The following CYP19A1 variants were observed in gnomAD, a reference collection of about 807,000 sequenced individuals.
The protein encoded by CYP19A1 is cytochrome P450 family 19 subfamily A member 1, also known as aromatase.
Under a neutral mutation model 44.4 loss-of-function variants are expected in CYP19A1, and 32 were observed. That is an observed-to-expected ratio of 0.72 (90% CI 0.54 to 0.97). The LOEUF (loss-of-function observed/expected upper bound fraction) is 0.97. Among genes scored for constraint, CYP19A1 ranks in the 50% least tolerant of loss-of-function variants. The probability of loss-of-function intolerance (pLI) is 0.00; values close to 1 mark genes in which losing one functional copy is unlikely to be tolerated. For missense variants in CYP19A1, 598 were observed against 637.8 expected (o/e 0.94, Z 0.67); for synonymous variants, 212 against 215.6 (o/e 0.98, Z 0.14).
At chr15:51,314,976 A>G (rs866456465) in intron 1 of CYP19A1, among the ~76,000 whole-genome samples, 3 of 152,078 alleles carry the variant, frequency 2.0e-5, no homozygotes, top group African/African-American at 4.8e-5. Context: ...GGTTCAAGCC[A>G]CTGTCCCTGG....
intron 1 of CYP19A1, among the ~76,000 whole-genome samples, chr15:51,336,970 G>A (rs1372217772): frequency 6.6e-6 from 1 of 150,830 alleles, no homozygotes; most frequent in East Asian, 1.9e-4. Context: ...TATCAGGCAG[G>A]GCAGGCTATG....
At chr15:51,285,668 T>C (rs1443630069) in intron 1 of CYP19A1, among the ~76,000 whole-genome samples, 1 of 152,168 alleles carries the variant, frequency 6.6e-6, no homozygotes, top group African/African-American at 2.4e-5. Flanking sequence ...GGAGAATATA[T>C]TCCATATGCT....
chr15:51,308,043 G>A (rs2036245665), intron 1 of CYP19A1, among the ~76,000 whole-genome samples: 1 of 152,200 alleles, frequency 6.6e-6, no homozygotes, highest in African/African-American at 2.4e-5. Flanking sequence ...GAGAAAGAGG[G>A]CATGAGGAGG....
intron 1 of CYP19A1, among the ~76,000 whole-genome samples, chr15:51,295,579 C>T (rs2035977776): frequency 6.6e-6 from 1 of 152,150 alleles, no homozygotes; most frequent in South Asian, 2.1e-4. Flanking sequence ...GGAGGCATTG[C>T]TGTTGAGTAT....
chr15:51,247,140 T>C (rs1166625748), intron 1 of CYP19A1, among the ~76,000 whole-genome samples: 9 of 152,162 alleles, frequency 5.9e-5, no homozygotes, highest in African/African-American at 2.2e-4. Context: ...TCTCATCGTT[T>C]CTATTCCTCT....
intron 1 of CYP19A1, among the ~76,000 whole-genome samples, chr15:51,283,649 G>A (rs2035604756): frequency 1.3e-5 from 2 of 152,188 alleles, no homozygotes; most frequent in Non-Finnish European, 2.9e-5. Context: ...ATGTAGAAAA[G>A]GAAATCAAAA....
intron 1 of CYP19A1, among the ~76,000 whole-genome samples, chr15:51,265,763 G>T (rs2034893930): frequency 6.6e-6 from 1 of 152,194 alleles, no homozygotes; most frequent in Non-Finnish European, 1.5e-5. Context: ...GCAACAACCA[G>T]CTGTCCCCAA....
At chr15:51,315,589 G>T (rs1159032537) in intron 1 of CYP19A1, among the ~76,000 whole-genome samples, 1 of 152,214 alleles carries the variant, frequency 6.6e-6, no homozygotes, top group East Asian at 1.9e-4. Flanking sequence ...GCCAGGCTCA[G>T]TGTCTGCTGT....
In CYP19A1 at chr15:51,306,527, AT is replaced by A. The variant is rs28757104; in HGVS notation, c.-39+31967del. On this transcript the variant is annotated intron_variant, in intron 1 of 9. Transcript: ENST00000396402. ...TATGTAATTTGCACAGAAAGAACAA[AT>A]AGCTTAAAAAAAACCCTTTATCTCC... Among the ~76,000 whole-genome samples, 1,399 of 152,324 alleles carry A rather than the reference AT, an allele frequency of 9.2e-3. 25 individuals carry two copies. The highest frequency in any genetic ancestry group is 0.083 in the South Asian group (401 of 4,818).
chr15:51,215,852 T>G, intron 6 of CYP19A1, 35 bp from the exon 7 acceptor site: 1 of 1,611,718 alleles, frequency 6.2e-7, no homozygotes, highest in Non-Finnish European at 8.5e-7. Context: ...CTATTTTTAC[T>G]CAGTTTAGAC....
intron 1 of CYP19A1, among the ~76,000 whole-genome samples, chr15:51,297,955 G>A (rs1228190250): frequency 6.6e-6 from 1 of 151,886 alleles, no homozygotes; most frequent in Non-Finnish European, 1.5e-5. Flanking sequence ...GAGGATTTAG[G>A]CTACTCTGAG....
intron 2 of CYP19A1, among the ~76,000 whole-genome samples, 194 bp from the exon 3 acceptor site, chr15:51,237,203 C>G (rs2141107259): frequency 6.6e-6 from 1 of 152,354 alleles, no homozygotes; most frequent in South Asian, 2.1e-4. Context: ...AGGCTCTTCA[C>G]TTCTCCATGA....
intron 1 of CYP19A1, among the ~76,000 whole-genome samples, chr15:51,258,682 C>A (rs1283858914): frequency 1.3e-5 from 2 of 152,196 alleles, no homozygotes; most frequent in Non-Finnish European, 2.9e-5. Context: ...CATCTCCAAC[C>A]CCTGCGCCAG....
At chr15:51,313,665 C>T (rs753046191) in intron 1 of CYP19A1, among the ~76,000 whole-genome samples, 14 of 151,988 alleles carry the variant, frequency 9.2e-5, no homozygotes, top group African/African-American at 1.7e-4. Flanking sequence ...GGCATGGTGG[C>T]GGGCATCTAT....
intron 3 of CYP19A1, among the ~76,000 whole-genome samples, chr15:51,229,931 C>T (rs1160419420): frequency 4.6e-5 from 7 of 152,168 alleles, no homozygotes; most frequent in South Asian, 4.1e-4. Context: ...TAAGAAACTC[C>T]AAACATAAAA....
chr15:51,322,923 G>C (rs559266807), intron 1 of CYP19A1, among the ~76,000 whole-genome samples: 1 of 152,296 alleles, frequency 6.6e-6, no homozygotes, highest in South Asian at 2.1e-4. Flanking sequence ...TCCACTTCTG[G>C]CTGAACTGTC....
chr15:51,299,081 T>G (rs1375299721), intron 1 of CYP19A1, among the ~76,000 whole-genome samples: 1 of 152,206 alleles, frequency 6.6e-6, no homozygotes, highest in Admixed American at 6.5e-5. Context: ...GTGAGGGGCC[T>G]TCCGCCAAGA....
In CYP19A1 at chr15:51,217,763, A is replaced by G. The variant is rs76963292; in HGVS notation, c.743+778T>C. On this transcript the variant is annotated intron_variant, in intron 6 of 9. Transcript: ENST00000396402. The stretch of plus-strand genomic sequence containing the variant: ...CTTACTTATATGATCTCATTAACCT[A>G]TGCCCCTACTCTAGAAGATAGGTTA... 9.2e-3 allele frequency among the ~76,000 whole-genome samples: 1,395 copies of G among 152,310 alleles called. 9 individuals carry two copies. The highest frequency in any genetic ancestry group is 0.016 in the Non-Finnish European group (1,120 of 68,030).
At chr15:51,270,193 T>C (rs2035073088) in intron 1 of CYP19A1, among the ~76,000 whole-genome samples, 1 of 152,072 alleles carries the variant, frequency 6.6e-6, no homozygotes, top group Admixed American at 6.6e-5. Flanking sequence ...GGTTTTTTTT[T>C]TGGTACTACT....
Sources: allele counts gnomAD v4.1 joint callset (sites outside exome capture counted in the v4.1 genomes callset), GRCh38; gene constraint gnomAD v4.1.1; transcripts MANE v1.5; gene names NCBI Gene and HGNC (gene_info 2026-07-23, HGNC 2026-07-21).